TTC39B: variants seen among roughly 807,000 people sequenced by gnomAD.
The protein encoded by TTC39B is tetratricopeptide repeat domain 39B, also known as tetratricopeptide repeat protein 39B.
A neutral mutation model predicts 96.6 loss-of-function variants in TTC39B; 92 were observed. That is an observed-to-expected ratio of 0.95 (90% CI 0.80 to 1.13). The LOEUF (loss-of-function observed/expected upper bound fraction) is 1.13. TTC39B is among the 50% of genes most tolerant of loss of function. The probability of loss-of-function intolerance (pLI) is 0.00; values close to 1 mark genes in which losing one functional copy is unlikely to be tolerated. For synonymous variants in TTC39B, 367 were observed against 299.4 expected (o/e 1.23, Z -2.33); for missense variants, 955 against 809.3 (o/e 1.18, Z -2.18).
intron 1 of TTC39B, among the ~76,000 whole-genome samples, chr9:15,281,204 C>T (rs2131583012): frequency 6.6e-6 from 1 of 152,052 alleles, no homozygotes; most frequent in East Asian, 1.9e-4. Context: ...AACAAAAACC[C>T]ACTGTGTGTG....
intron 1 of TTC39B, among the ~76,000 whole-genome samples, chr9:15,303,378 A>ATT (rs759714390): frequency 1.4e-5 from 2 of 141,820 alleles, no homozygotes; most frequent in African/African-American, 5.1e-5. Context: ...CTGAAAAGTG[A>ATT]TTTTTTTTTT....
chr9:15,267,787 T>C (rs2131550474), intron 2 of TTC39B, 127 bp downstream of exon 2: 2 of 723,156 alleles, frequency 2.8e-6, no homozygotes, highest in Admixed American at 6.0e-5. Flanking sequence ...TATAGAAAAG[T>C]GACTTTTTTT....
At chr9:15,285,150 A>C (rs899779307) in intron 1 of TTC39B, among the ~76,000 whole-genome samples, 1 of 151,976 alleles carries the variant, frequency 6.6e-6, no homozygotes, top group African/African-American at 2.4e-5. Flanking sequence ...CTGTAGTCCC[A>C]GCTACTCGGG....
chr9:15,204,298 G>A (rs1022517622), intron 6 of TTC39B, among the ~76,000 whole-genome samples: 2 of 152,118 alleles, frequency 1.3e-5, no homozygotes, highest in Non-Finnish European at 2.9e-5. Flanking sequence ...GGAGGCCGAG[G>A]TGGGTGGATC....
chr9:15,186,579 T>C (rs1205270322), intron 15 of TTC39B: 1 of 165,696 alleles, frequency 6.0e-6, no homozygotes, highest in African/African-American at 2.4e-5. Flanking sequence ...ATCTTAATAC[T>C]CCCTTCCATT....
At chr9:15,190,693 G>C (rs763270550) in intron 10 of TTC39B, 31 bp from the exon 11 acceptor site, 1 of 1,541,826 alleles carries the variant, frequency 6.5e-7, no homozygotes, top group Non-Finnish European at 9.0e-7. Flanking sequence ...TTTAGAAAGA[G>C]AACAAGACTG....
At chr9:15,215,861 C>A (rs1156817687) in intron 3 of TTC39B, among the ~76,000 whole-genome samples, 5 of 152,076 alleles carry the variant, frequency 3.3e-5, no homozygotes, top group Non-Finnish European at 7.3e-5. Context: ...GAGACGCTAT[C>A]TCAAAAACTA....
chr9:15,293,688 C>T (rs1355375792), intron 1 of TTC39B, among the ~76,000 whole-genome samples: 2 of 152,142 alleles, frequency 1.3e-5, no homozygotes, highest in Admixed American at 1.3e-4. Context: ...TAAGAAAGGC[C>T]TTACATGTGT....
At chr9:15,248,912 T>C (rs1484734922) in intron 2 of TTC39B, 1 of 152,208 alleles carries the variant, frequency 6.6e-6, no homozygotes, top group Non-Finnish European at 1.5e-5. Context: ...TCTACAACGA[T>C]GACTGTTACC....
chr9:15,176,838 C>T (rs1177332348), intron 18 of TTC39B, among the ~76,000 whole-genome samples: 2 of 152,170 alleles, frequency 1.3e-5, no homozygotes, highest in African/African-American at 4.8e-5. Flanking sequence ...TATCTGGCCC[C>T]TGTAAATACT....
At chr9:15,187,011 C>T in exon 15 of TTC39B, 2 of 1,613,032 alleles carry the variant, frequency 1.2e-6, no homozygotes, top group Non-Finnish European at 1.7e-6. Context: ...CTCAAAATTG[C>T]TGCTTTCAAG....
chr9:15,233,760 C>A (rs900547821), intron 2 of TTC39B, among the ~76,000 whole-genome samples: 65 of 152,196 alleles, frequency 4.3e-4, no homozygotes, highest in Non-Finnish European at 7.9e-4. Context: ...GAGATTGCAG[C>A]CTCTGCCCGG....
chr9:15,228,300 C>A (rs982035813), intron 2 of TTC39B, among the ~76,000 whole-genome samples: 1 of 152,110 alleles, frequency 6.6e-6, no homozygotes, highest in Non-Finnish European at 1.5e-5. Context: ...CCCGTCTCTA[C>A]TGAAAATACA....
At chr9:15,234,190 C>T (rs1291116264) in intron 2 of TTC39B, among the ~76,000 whole-genome samples, 1 of 144,780 alleles carries the variant, frequency 6.9e-6, no homozygotes, top group Non-Finnish European at 1.5e-5. Context: ...GGAGCCCCTC[C>T]ATCCGGCAGC....
intron 3 of TTC39B, among the ~76,000 whole-genome samples, chr9:15,224,013 C>T (rs1364139688): frequency 1.3e-5 from 2 of 152,146 alleles, no homozygotes; most frequent in African/African-American, 2.4e-5. Context: ...CAGAAATATA[C>T]ACAAATCTCA....
chr9:15,177,638 A>T, intron 18 of TTC39B, 59 bp downstream of exon 18: 2 of 1,175,660 alleles, frequency 1.7e-6, no homozygotes, highest in Non-Finnish European at 2.5e-6. Flanking sequence ...TCACTTTCTC[A>T]CAGCAATTCC....
chr9:15,187,865 G>C, intron 14 of TTC39B, 106 bp downstream of exon 14: 1 of 1,205,174 alleles, frequency 8.3e-7, no homozygotes, highest in Admixed American at 2.7e-5. Context: ...TCTCTAAGTT[G>C]AGAAAACACT....
chr9:15,248,216 A>T (rs1038233873), intron 2 of TTC39B, among the ~76,000 whole-genome samples: 1 of 152,170 alleles, frequency 6.6e-6, no homozygotes, highest in African/African-American at 2.4e-5. Flanking sequence ...TTCCTCTTCC[A>T]CTAAGACTAT....
chr9:15,246,052 G>A lies in TTC39B; in HGVS notation c.276-20040C>T, dbSNP rs181709255. 2.0e-5 allele frequency among the ~76,000 whole-genome samples: 3 copies of A among 152,190 alleles called. No individual in the cohort carries two copies. The East Asian group carries it at 5.8e-4, about 30-fold the overall frequency. ...GCAGATCACCTGAGGTCAGGAGTTC[G>A]AGACCAGCCTGACCAACATGGAGAA... On this transcript the variant is annotated intron_variant, in intron 2 of 19. Transcript: ENST00000512701.
Sources: gnomAD v4.1 joint callset for allele counts (sites outside exome capture counted in the v4.1 genomes callset) on GRCh38, gnomAD v4.1.1 for gene constraint, MANE v1.5 for transcripts, NCBI Gene and HGNC (gene_info 2026-07-23, HGNC 2026-07-21) for gene names.